The following PCDHGA11 variants were observed in gnomAD, a reference collection of about 807,000 sequenced individuals.
PCDHGA11 encodes the protein protocadherin gamma subfamily A, 11, also known as protocadherin gamma-A11.
PCDHGA11 carries 39 observed loss-of-function variants against 60.4 expected under a neutral mutation model. That is an observed-to-expected ratio of 0.65 (90% CI 0.50 to 0.84). The LOEUF is 0.84. Ranked by LOEUF, PCDHGA11 falls within the 40% of genes least tolerant of loss-of-function variation. The pLI, the probability that PCDHGA11 is intolerant of heterozygous loss-of-function variation, is 0.00. For missense variants in PCDHGA11, 1,165 were observed against 1,197.7 expected (o/e 0.97, Z 0.40); for synonymous variants, 533 against 510.3 (o/e 1.04, Z -0.60).
At chr5:141,483,603 A>T (rs1277479077) in intron 1 of PCDHGA11, among the ~76,000 whole-genome samples, 1 of 152,054 alleles carries the variant, frequency 6.6e-6, no homozygotes, top group Non-Finnish European at 1.5e-5. Context: ...AGGCTGGTTT[A>T]CACCTCCATC....
rs777780708 is a variant in PCDHGA11, at chr5:141,489,934, G to C, written c.2434-4873G>C. ...AGGGACCACCCTTATCTCTGTCATC[G>C]TGCTGGACATCAATGATAATGCTCC... On this transcript the variant is annotated intron_variant, in intron 1 of 3. Transcript: ENST00000398587. The surrounding 1 kb of genome is among the most constrained non-coding windows in gnomAD (Gnocchi z 4.5). The C allele has an allele frequency of 1.4e-5, 23 of 1,614,176 alleles. No homozygotes were observed. Among genetic ancestry groups the C allele is most frequent in the Non-Finnish European group, 1.8e-5 (21 of 1,180,030 alleles).
At chr5:141,428,147 G>T (rs771536400) in intron 1 of PCDHGA11, 1 of 1,589,612 alleles carries the variant, frequency 6.3e-7, no homozygotes, top group South Asian at 1.1e-5. Flanking sequence ...GGCTGCACAC[G>T]GGAACCTGCT....
chr5:141,453,111 G>A (rs1040339344), intron 1 of PCDHGA11, among the ~76,000 whole-genome samples: 5 of 151,718 alleles, frequency 3.3e-5, no homozygotes, highest in Non-Finnish European at 5.9e-5. Flanking sequence ...TTTTTGTTTT[G>A]TTTTGTTTTG....
chr5:141,472,980 CA>C (rs60579131), intron 1 of PCDHGA11, among the ~76,000 whole-genome samples: 39,687 of 85,940 alleles, frequency 0.46, 5,633 homozygotes, highest in African/African-American at 0.56. Flanking sequence ...GAGTGAAACT[CA>C]AAAAAAAAAA....
Position 141,421,352 on chromosome 5 carries a change from A to T in PCDHGA11, c.125A>T (p.Lys42Met). 1 of 1,613,946 alleles carries T rather than the reference A, an allele frequency of 6.2e-7. No individual in the cohort carries two copies. The highest frequency in any genetic ancestry group is 8.5e-7 in the Non-Finnish European group (1 of 1,179,894). ...IRYSVPEETE[K>M]GSFVGNISKD... ...TATTCGGTGCCAGAAGAGACCGAAA[A>T]GGGCTCCTTCGTGGGCAATATCTCC... The change falls in exon 1 of 4, where the codon AAG (lysine) becomes ATG (methionine). Residue 42 changes from lysine (K) to methionine (M), a missense_variant. Transcript: ENST00000398587.
At chr5:141,468,668 C>T (rs993230755) in intron 1 of PCDHGA11, 1 of 149,910 alleles carries the variant, frequency 6.7e-6, no homozygotes, top group Admixed American at 6.7e-5. Context: ...AGATCAAGAC[C>T]ATCCTGGCTA....
rs1053018756 is a variant in PCDHGA11, at chr5:141,497,630, G to T, written c.2492+2765G>T. ...TCTTGGCTCACTGCAACCTCTGCCT[G>T]CCAGGTTCAAGCGATTCTCCTGCCT... is the stretch of plus-strand genomic sequence containing the variant. On this transcript the variant is annotated intron_variant, in intron 2 of 3. Coordinates refer to ENST00000398587, the MANE Select transcript of PCDHGA11 (RefSeq NM_018914.3). 3.3e-5 allele frequency among the ~76,000 whole-genome samples: 5 copies of T among 150,256 alleles called. No homozygotes were observed. The Admixed American group carries it at 3.3e-4, about 10-fold the overall frequency.
chr5:141,476,509 C>G lies in PCDHGA11; in HGVS notation c.2434-18298C>G. 6.2e-7 allele frequency: 1 copy of G among 1,614,144 alleles called. No individual in the cohort carries two copies. Among genetic ancestry groups the G allele is most frequent in the Non-Finnish European group, 8.5e-7 (1 of 1,180,022 alleles). ...TGGTGATCCAGGACATCAACGACAACAATCCTGCTTTCCCTACCCAGGAAA... is the reference window on the plus strand; with the variant it reads ...TGGTGATCCAGGACATCAACGACAAGAATCCTGCTTTCCCTACCCAGGAAA... On this transcript the variant is annotated intron_variant, in intron 1 of 3. Transcript: ENST00000398587. This position sits in a 1 kb window ranked among gnomAD's most constrained non-coding sequence, Gnocchi z 7.6.
At chr5:141,446,296 G>A (rs2098497546) in intron 1 of PCDHGA11, among the ~76,000 whole-genome samples, 1 of 152,160 alleles carries the variant, frequency 6.6e-6, no homozygotes, top group Non-Finnish European at 1.5e-5. Context: ...GGGGAGCAGG[G>A]ATTAAGAGTG....
chr5:141,431,216 C>A lies in PCDHGA11; in HGVS notation c.2433+7556C>A. On this transcript the variant is annotated intron_variant, in intron 1 of 3. Coordinates refer to ENST00000398587, the MANE Select transcript of PCDHGA11 (RefSeq NM_018914.3). The surrounding 1 kb of genome is among the most constrained non-coding windows in gnomAD (Gnocchi z 4.8). ...AAATGCAGCCACTGAGATGCGGTTC[C>A]CTCTACCCCACGCCTGGGATCCGGA... The A allele has an allele frequency of 6.2e-7, 1 of 1,614,162 alleles. No homozygotes were observed. The highest frequency in any genetic ancestry group is 8.5e-7 in the Non-Finnish European group (1 of 1,180,048).
chr5:141,427,710 G>T, intron 1 of PCDHGA11: 2 of 1,033,628 alleles, frequency 1.9e-6, no homozygotes, highest in South Asian at 2.6e-5. Context: ...CAGCGCCTCT[G>T]ACCTGGACCT....
At chr5:141,438,595 T>C (rs11949887) in intron 1 of PCDHGA11, among the ~76,000 whole-genome samples, 1,254 of 57,838 alleles carry the variant, frequency 0.022, 9 homozygotes, top group Non-Finnish European at 0.023. Flanking sequence ...TACATACATA[T>C]ATATATATAT....
intron 1 of PCDHGA11, among the ~76,000 whole-genome samples, chr5:141,481,241 A>C (rs557107835): frequency 2.0e-5 from 3 of 152,350 alleles, no homozygotes; most frequent in South Asian, 2.1e-4. Flanking sequence ...AGTATTACAT[A>C]GCATAGCTCT....
intron 2 of PCDHGA11, among the ~76,000 whole-genome samples, chr5:141,495,440 A>G (rs2099761377): frequency 6.6e-6 from 1 of 151,898 alleles, no homozygotes; most frequent in African/African-American, 2.4e-5. Context: ...CTCTGCCCCT[A>G]CTTGTCCTGC....
intron 1 of PCDHGA11, among the ~76,000 whole-genome samples, chr5:141,480,272 G>A (rs903112862): frequency 7.2e-6 from 1 of 138,796 alleles, no homozygotes; most frequent in African/African-American, 3.0e-5. Flanking sequence ...TTCATTAGCT[G>A]GGTGTGTTGG....
chr5:141,431,355 C>T lies in PCDHGA11; in HGVS notation c.2433+7695C>T. 1 of 1,614,054 alleles carries T rather than the reference C, an allele frequency of 6.2e-7. No homozygotes were observed. Among genetic ancestry groups the T allele is most frequent in the South Asian group, 1.1e-5 (1 of 91,082 alleles). ...TACCCCGAATTGGTGCTGAAACGCG[C>T]CCTGGACCGCGAAGAAAAGGCTGCT... On this transcript the variant is annotated intron_variant, in intron 1 of 3. Transcript: ENST00000398587. The surrounding 1 kb of genome is among the most constrained non-coding windows in gnomAD (Gnocchi z 4.8).
At chr5:141,492,576 G>A (rs2099742137) in intron 1 of PCDHGA11, among the ~76,000 whole-genome samples, 1 of 152,234 alleles carries the variant, frequency 6.6e-6, no homozygotes, top group Admixed American at 6.5e-5. Context: ...AGCGAGGCGC[G>A]GGGCCAGGAG....
intron 1 of PCDHGA11, chr5:141,430,824 C>T: frequency 6.5e-7 from 1 of 1,547,704 alleles, no homozygotes; most frequent in Non-Finnish European, 8.7e-7. Flanking sequence ...CTCCTGGGGA[C>T]TCTGTGGGAG....
chr5:141,477,600 T>A lies in PCDHGA11; in HGVS notation c.2434-17207T>A, dbSNP rs746047124. The A allele has an allele frequency of 6.2e-6, 10 of 1,614,146 alleles. No homozygotes were observed. The highest frequency in any genetic ancestry group is 7.6e-6 in the Non-Finnish European group (9 of 1,180,026). ...CCGCAGAATGCTCGGCTTTCTTTCT[T>A]TCTCTTGGAGCAAGGAGCTGAAACC... On this transcript the variant is annotated intron_variant, in intron 1 of 3. Coordinates refer to ENST00000398587, the MANE Select transcript of PCDHGA11 (RefSeq NM_018914.3). This position sits in a 1 kb window ranked among gnomAD's most constrained non-coding sequence, Gnocchi z 4.9.
Sources: gnomAD v4.1 joint callset for allele counts (sites outside exome capture counted in the v4.1 genomes callset) on GRCh38, gnomAD v4.1.1 for gene constraint, Gnocchi (gnomAD v3.1) non-coding constraint, MANE v1.5 for transcripts, NCBI Gene and HGNC (gene_info 2026-07-23, HGNC 2026-07-21) for gene names.